Variants in CDH26 observed in about 807,000 individuals in gnomAD.
CDH26 encodes cadherin 26, also known as cadherin-like protein 26.
Under a neutral mutation model 90.3 loss-of-function variants are expected in CDH26, and 83 were observed. The observed-to-expected ratio is 0.92, with a 90% CI of 0.77 to 1.10. CDH26 has a LOEUF of 1.10. Among genes scored for constraint, CDH26 ranks in the 50% least tolerant of loss-of-function variants. The pLI is 0.00. For missense variants in CDH26, 1,013 were observed against 1,037.6 expected, an observed-to-expected ratio of 0.98 and a Z score of 0.33; for synonymous variants, 397 against 396.3, an observed-to-expected ratio of 1.00 and a Z score of -0.02.
At chr20:59,982,788 T>A in intron 4 of CDH26, 135 bp from the exon 5 acceptor site, 1 of 994,626 alleles carries the variant, frequency 1.0e-6, no homozygotes, top group Admixed American at 2.3e-5. Flanking sequence ...ATGAGGGCAG[T>A]CTGATTCCTG....
chr20:60,021,849 T>TACACACACACACACACACACACAC (rs757813328), intron 7 of CDH26, among the ~76,000 whole-genome samples: 15 of 42,604 alleles, frequency 3.5e-4, no homozygotes, highest in Non-Finnish European at 5.5e-4. Context: ...TCCTTATCTG[T>TACACACACACACACACACACACAC]ACACACACAC....
At chr20:59,981,657 C>T (rs1359656901) in intron 4 of CDH26, among the ~76,000 whole-genome samples, 1 of 151,942 alleles carries the variant, frequency 6.6e-6, no homozygotes, top group East Asian at 1.9e-4. Flanking sequence ...TTTCTGGGTA[C>T]TATTTGTTAG....
intron 2 of CDH26, among the ~76,000 whole-genome samples, chr20:59,969,442 A>G (rs1302308131): frequency 1.3e-5 from 2 of 152,170 alleles, no homozygotes; most frequent in African/African-American, 4.8e-5. Flanking sequence ...TCATTAAGTA[A>G]TTTTTTTAAA....
Position 60,002,839 on chromosome 20 carries a change from A to C in CDH26, c.2193A>C (p.Arg731Ser). 6.2e-7 allele frequency: 1 copy of C among 1,600,952 alleles called. No homozygotes were observed. The change falls in exon 16 of 18, where the codon AGA becomes AGC. Residue 731 changes from arginine (R) to serine (S), a missense_variant. Arg to Ser is a moderately radical substitution (Grantham distance 110). Transcript: ENST00000348616. ...GTTATGGCAAGCCCTTTGAGCCAAG[A>C]AGTGTGAAAAACATACACTCTACTC... ...SWGYGKPFEP[R>S]SVKNIHSTPA...
chr20:59,997,272 C>A (rs918027697), intron 13 of CDH26, among the ~76,000 whole-genome samples: 7 of 152,272 alleles, frequency 4.6e-5, no homozygotes, highest in Admixed American at 4.6e-4. Context: ...TAGATCATGG[C>A]AGAACCTGCT....
intron 14 of CDH26, among the ~76,000 whole-genome samples, chr20:60,000,431 GCA>G (rs1359628275): frequency 6.6e-6 from 1 of 152,196 alleles, no homozygotes; most frequent in African/African-American, 2.4e-5. Flanking sequence ...GGTTCGCCGT[GCA>G]TTCTGACCAC....
chr20:60,007,714 A>ATCTGCTGGTT (rs1395025784), intron 17 of CDH26, among the ~76,000 whole-genome samples: 1 of 149,720 alleles, frequency 6.7e-6, no homozygotes, highest in African/African-American at 2.5e-5. Context: ...CTTTCGTCTC[A>ATCTGCTGGTT]TCTGCTGGTT....
At chr20:59,972,631 G>GA (rs1267487187) in intron 4 of CDH26, among the ~76,000 whole-genome samples, 1 of 152,152 alleles carries the variant, frequency 6.6e-6, no homozygotes, top group East Asian at 1.9e-4. Flanking sequence ...TGTAAACTAG[G>GA]AAAGGAAATT....
chr20:59,966,032 A>T (rs151268773), intron 1 of CDH26, among the ~76,000 whole-genome samples: 330 of 152,284 alleles, frequency 2.2e-3, no homozygotes, highest in African/African-American at 7.6e-3. Context: ...TCATGCTTAT[A>T]TTGGCAGACA....
Position 60,002,813 on chromosome 20 carries a change from G to T in CDH26, c.2167G>T (p.Gly723Cys). The T allele has an allele frequency of 1.3e-6, 2 of 1,596,128 alleles. No individual in the cohort carries two copies. The highest frequency in any genetic ancestry group is 1.7e-6 in the Non-Finnish European group (2 of 1,168,874). The stretch of plus-strand genomic sequence containing the variant: ...AGTAAATATTTCATCTTTCTTTAAG[G>T]GTTATGGCAAGCCCTTTGAGCCAAG... ...AQARCALGSWGYGKPFEPRSV... is the reference protein window; with the variant it reads ...AQARCALGSWCYGKPFEPRSV... Residue 723 changes from glycine (G) to cysteine (C), a missense_variant and splice_region_variant, in exon 16 of 18, where the codon GGT becomes TGT. Physicochemically the swap from Gly to Cys is radical, Grantham distance 159. Coordinates refer to ENST00000348616, the MANE Select transcript of CDH26 (RefSeq NM_177980.4).
chr20:59,987,244 T>C (rs1045998515), intron 7 of CDH26, among the ~76,000 whole-genome samples: 2 of 152,198 alleles, frequency 1.3e-5, no homozygotes, highest in Non-Finnish European at 2.9e-5. Context: ...TTCCAACGGA[T>C]GCACCTTCTG....
chr20:59,968,184 G>A (rs887118520), intron 1 of CDH26, among the ~76,000 whole-genome samples: 33 of 150,782 alleles, frequency 2.2e-4, no homozygotes, highest in African/African-American at 7.1e-4. Context: ...TGCAACCTCC[G>A]CCTCCCAGGT....
intron 1 of CDH26, among the ~76,000 whole-genome samples, chr20:59,968,025 GTCTCTC>G (rs777837348): frequency 0.038 from 2,197 of 57,162 alleles, 93 homozygotes; most frequent in African/African-American, 0.13. Flanking sequence ...CTTTCTCTCT[GTCTCTC>G]TCTCTCTCTC....
intron 10 of CDH26, among the ~76,000 whole-genome samples, chr20:59,993,135 G>A (rs1171940476): frequency 2.0e-5 from 3 of 152,146 alleles, no homozygotes; most frequent in Non-Finnish European, 4.4e-5. Context: ...TGTTGGCGGG[G>A]GGCAATGGAG....
At chr20:60,026,655 G>A (rs57101805) in intron 7 of CDH26, among the ~76,000 whole-genome samples, 6,187 of 152,268 alleles carry the variant, frequency 0.041, 312 homozygotes, top group African/African-American at 0.12. Flanking sequence ...ACCTGAGAGC[G>A]CTTGGGCATG....
intron 4 of CDH26, among the ~76,000 whole-genome samples, chr20:59,976,232 A>C (rs2061327095): frequency 6.6e-6 from 1 of 152,348 alleles, no homozygotes; most frequent in African/African-American, 2.4e-5. Context: ...TGATGTATCA[A>C]GTTAATGCAC....
chr20:59,969,102 T>A, intron 2 of CDH26, 79 bp downstream of exon 2: 1 of 858,334 alleles, frequency 1.2e-6, no homozygotes, highest in Non-Finnish European at 2.0e-6. Flanking sequence ...CAGTTTGGAG[T>A]TCTTTAGTGC....
intron 6 of CDH26, 90 bp from the exon 7 acceptor site, chr20:59,984,911 G>A: frequency 6.4e-7 from 1 of 1,564,158 alleles, no homozygotes; most frequent in Non-Finnish European, 8.7e-7. Context: ...GGCTAGATTT[G>A]CTATTGAAAT....
chr20:59,978,207 G>A (rs992859620), intron 4 of CDH26, among the ~76,000 whole-genome samples: 1 of 152,084 alleles, frequency 6.6e-6, no homozygotes, highest in African/African-American at 2.4e-5. Flanking sequence ...ACATGTGTGT[G>A]CAGGTTGTCA....
Sources: gnomAD v4.1 joint callset for allele counts (sites outside exome capture counted in the v4.1 genomes callset) on GRCh38, gnomAD v4.1.1 for gene constraint, MANE v1.5 for transcripts, NCBI Gene and HGNC (gene_info 2026-07-23, HGNC 2026-07-21) for gene names.